KCNIP4: variants seen among roughly 807,000 people sequenced by gnomAD.
KCNIP4 encodes Kv channel-interacting protein 4.
A neutral mutation model predicts 34.0 loss-of-function variants in KCNIP4; 12 were observed. That is an observed-to-expected ratio of 0.35 (90% CI 0.23 to 0.57). The LOEUF is 0.57. KCNIP4 is among the 20% of genes least tolerant of loss of function. The pLI, the probability that KCNIP4 is intolerant of heterozygous loss-of-function variation, is 0.83. For missense variants in KCNIP4, 238 were observed against 311.7 expected (o/e 0.76, Z 1.78); for synonymous variants, 124 against 102.2 (o/e 1.21, Z -1.29).
At chr4:20,851,852 C>T (rs1721066073) in intron 2 of KCNIP4, among the ~76,000 whole-genome samples, 1 of 152,094 alleles carries the variant, frequency 6.6e-6, no homozygotes, top group Non-Finnish European at 1.5e-5. Context: ...ACAAGATAGC[C>T]TCTGATAATG....
chr4:21,308,329 A>T (rs1712717882), intron 1 of KCNIP4, among the ~76,000 whole-genome samples: 2 of 152,202 alleles, frequency 1.3e-5, no homozygotes, highest in Non-Finnish European at 2.9e-5. Flanking sequence ...TTTCTAAATG[A>T]TACTTAATCT....
intron 3 of KCNIP4, among the ~76,000 whole-genome samples, chr4:20,837,136 A>C (rs1356931070): frequency 6.6e-6 from 1 of 152,180 alleles, no homozygotes; most frequent in Middle Eastern, 3.2e-3. Flanking sequence ...CCAATCTTCT[A>C]AAATTTTTAT....
chr4:21,380,641 G>A (rs568589438), intron 1 of KCNIP4, among the ~76,000 whole-genome samples: 21 of 152,102 alleles, frequency 1.4e-4, no homozygotes, highest in East Asian at 1.4e-3. Flanking sequence ...AGCTTACTTC[G>A]ACAAAGTGGC....
intron 1 of KCNIP4, among the ~76,000 whole-genome samples, chr4:21,451,479 T>C (rs1728501347): frequency 6.6e-6 from 1 of 152,184 alleles, no homozygotes; most frequent in African/African-American, 2.4e-5. Flanking sequence ...CCTGTTTTGC[T>C]CTTGGCCCTT....
intron 1 of KCNIP4, among the ~76,000 whole-genome samples, chr4:21,939,496 T>C (rs1259203613): frequency 2.0e-5 from 3 of 152,132 alleles, no homozygotes; most frequent in Non-Finnish European, 4.4e-5. Context: ...ATTTTACAGG[T>C]TCTGGCTTCC....
At chr4:21,375,256 T>C (rs1245989758) in intron 1 of KCNIP4, among the ~76,000 whole-genome samples, 3 of 130,838 alleles carry the variant, frequency 2.3e-5, no homozygotes, top group Non-Finnish European at 4.4e-5. Context: ...GGGTGTGACA[T>C]GTGTGTTCAA....
chr4:21,213,837 TCCG>T (rs538673583), intron 1 of KCNIP4, among the ~76,000 whole-genome samples: 72 of 152,282 alleles, frequency 4.7e-4, no homozygotes, highest in Non-Finnish European at 9.3e-4. Flanking sequence ...CATTCTTTCA[TCCG>T]TCTCCCAGGA....
At position 21,050,340 on chromosome 4, in the gene KCNIP4, T is replaced by C. The variant is rs1031308009; in HGVS notation, c.62-167631A>G. On this transcript the variant is annotated intron_variant, in intron 1 of 8. Transcript: ENST00000382152. ...AACTGTAGTTTGACTCTAATTAATATAAAATAATTGGAGAGTAAATTTATC... is the reference window on the plus strand; with the variant it reads ...AACTGTAGTTTGACTCTAATTAATACAAAATAATTGGAGAGTAAATTTATC... 5.9e-5 allele frequency among the ~76,000 whole-genome samples: 9 copies of C among 152,152 alleles called. No homozygotes were observed. The South Asian group carries it at 1.0e-3, about 18-fold the overall frequency.
intron 3 of KCNIP4, among the ~76,000 whole-genome samples, chr4:20,776,239 G>C (rs560371257): frequency 6.6e-6 from 1 of 152,170 alleles, no homozygotes; most frequent in East Asian, 1.9e-4. Flanking sequence ...AAAGCTAAAA[G>C]TTTTATGTTT....
At chr4:21,689,657 G>T (rs1439964028) in intron 1 of KCNIP4, among the ~76,000 whole-genome samples, 1 of 152,144 alleles carries the variant, frequency 6.6e-6, no homozygotes, top group African/African-American at 2.4e-5. Flanking sequence ...ATTAGAGGAA[G>T]CAAAACAAAG....
At chr4:21,423,341 C>T (rs1725651882) in intron 1 of KCNIP4, among the ~76,000 whole-genome samples, 1 of 152,172 alleles carries the variant, frequency 6.6e-6, no homozygotes, top group Non-Finnish European at 1.5e-5. Context: ...AGTTCTATTG[C>T]TACTAACATT....
intron 1 of KCNIP4, among the ~76,000 whole-genome samples, chr4:21,073,699 G>A (rs4389576): frequency 3.3e-5 from 5 of 151,830 alleles, no homozygotes; most frequent in Non-Finnish European, 7.4e-5. Flanking sequence ...GGGAGAGGGC[G>A]TCCCTGTCTT....
intron 2 of KCNIP4, among the ~76,000 whole-genome samples, 173 bp downstream of exon 2, chr4:20,882,435 A>G (rs967772462): frequency 2.0e-5 from 3 of 152,280 alleles, no homozygotes; most frequent in Admixed American, 6.5e-5. Flanking sequence ...CAAAATGGAA[A>G]ATGACTCCTA....
chr4:20,786,847 C>CTTTCT (rs3077694), intron 3 of KCNIP4, among the ~76,000 whole-genome samples: 87,933 of 151,186 alleles, frequency 0.58, 26,019 homozygotes, highest in South Asian at 0.72. Context: ...AGTTCTTTAT[C>CTTTCT]TTTATCAATG....
intron 1 of KCNIP4, among the ~76,000 whole-genome samples, chr4:21,110,955 AG>A (rs1356077219): frequency 6.6e-6 from 1 of 152,210 alleles, no homozygotes; most frequent in Non-Finnish European, 1.5e-5. Context: ...TTTATAAATA[AG>A]TTTTAGGCTT....
At chr4:21,122,017 CCTT>C (rs1191161587) in intron 1 of KCNIP4, among the ~76,000 whole-genome samples, 3 of 152,242 alleles carry the variant, frequency 2.0e-5, no homozygotes, top group South Asian at 4.1e-4. Flanking sequence ...AGGAGCATCT[CCTT>C]CATCATAAAG....
intron 1 of KCNIP4, among the ~76,000 whole-genome samples, chr4:20,959,447 A>G (rs1733639948): frequency 2.0e-5 from 3 of 152,212 alleles, no homozygotes; most frequent in African/African-American, 7.2e-5. Context: ...TATCTGCAAG[A>G]AAGGGTATGG....
At chr4:21,006,496 T>A (rs193253187) in intron 1 of KCNIP4, among the ~76,000 whole-genome samples, 13 of 152,206 alleles carry the variant, frequency 8.5e-5, no homozygotes. Flanking sequence ...CCACTCCTCA[T>A]TGTAAGCTCT....
intron 1 of KCNIP4, among the ~76,000 whole-genome samples, chr4:21,564,036 G>A (rs1007431451): frequency 2.0e-5 from 3 of 152,038 alleles, no homozygotes; most frequent in Non-Finnish European, 1.5e-5. Flanking sequence ...CTATCTCAGT[G>A]TTGTGATATG....
Sources: gnomAD v4.1 joint callset for allele counts (sites outside exome capture counted in the v4.1 genomes callset) on GRCh38, gnomAD v4.1.1 for gene constraint, MANE v1.5 for transcripts, NCBI Gene and HGNC (gene_info 2026-07-23, HGNC 2026-07-21) for gene names.